Variants in UBE2H observed in about 807,000 individuals in gnomAD.
UBE2H encodes the protein ubiquitin conjugating enzyme E2 H.
UBE2H carries 3 observed loss-of-function variants against 29.0 expected under a neutral mutation model. The observed-to-expected ratio is 0.10, with a 90% CI of 0.05 to 0.27. UBE2H has a LOEUF of 0.27. Among genes scored for constraint, UBE2H ranks in the 10% least tolerant of loss-of-function variants. The pLI, the probability that UBE2H is intolerant of heterozygous loss-of-function variation, is 1.00. For synonymous variants in UBE2H, 69 were observed against 82.9 expected (o/e 0.83, Z 0.91); for missense variants, 68 against 228.2 (o/e 0.30, Z 4.52).
intron 1 of UBE2H, among the ~76,000 whole-genome samples, chr7:129,930,143 T>A (rs1393330444): frequency 6.6e-6 from 1 of 152,212 alleles, no homozygotes; most frequent in Non-Finnish European, 1.5e-5. Context: ...TCAAACACTC[T>A]GGTCTCAGCA....
chr7:129,946,348 C>T (rs974395859), intron 1 of UBE2H, among the ~76,000 whole-genome samples: 18 of 152,166 alleles, frequency 1.2e-4, no homozygotes, highest in Admixed American at 8.5e-4. Context: ...CGTGAGCCAC[C>T]GCGCCCGGCC....
At chr7:129,931,205 G>A (rs1263537398) in intron 1 of UBE2H, among the ~76,000 whole-genome samples, 1 of 146,104 alleles carries the variant, frequency 6.8e-6, no homozygotes, top group Non-Finnish European at 1.5e-5. Flanking sequence ...TGGGCAACAA[G>A]AGCAAAACCC....
intron 2 of UBE2H, 87 bp downstream of exon 2, chr7:129,880,808 C>T (rs919992914): frequency 1.4e-5 from 17 of 1,221,910 alleles, no homozygotes; most frequent in African/African-American, 3.1e-5. Context: ...TCAGAAACTA[C>T]GCATGCTACC....
chr7:129,913,609 C>A (rs531895177), intron 1 of UBE2H, among the ~76,000 whole-genome samples: 9 of 152,280 alleles, frequency 5.9e-5, no homozygotes, highest in African/African-American at 2.2e-4. Context: ...GGACATCCAT[C>A]CATTTTACAG....
At chr7:129,914,418 T>C (rs149858824) in intron 1 of UBE2H, among the ~76,000 whole-genome samples, 9,479 of 152,172 alleles carry the variant, frequency 0.062, 365 homozygotes, top group Non-Finnish European at 0.091. Context: ...CCACACACCT[T>C]GGCCTCCCGA....
intron 1 of UBE2H, among the ~76,000 whole-genome samples, chr7:129,943,879 T>G (rs973713958): frequency 4.6e-5 from 7 of 151,872 alleles, no homozygotes; most frequent in African/African-American, 1.7e-4. Flanking sequence ...AGACTGATTC[T>G]GTCTTTAAAA....
intron 5 of UBE2H, among the ~76,000 whole-genome samples, chr7:129,851,415 TA>T (rs1805607494): frequency 6.6e-6 from 1 of 152,228 alleles, no homozygotes; most frequent in South Asian, 2.1e-4. Context: ...GCTGTCATAC[TA>T]AAACTCGCTA....
chr7:129,864,250 G>A lies in UBE2H; in HGVS notation c.206-5309C>T, dbSNP rs77880590. Among the ~76,000 whole-genome samples, 1,401 of 152,298 alleles carry A rather than the reference G, an allele frequency of 9.2e-3. 6 individuals carry two copies. The highest frequency in any genetic ancestry group is 0.011 in the African/African-American group (458 of 41,556). Reference sequence around the variant, plus strand: ...AACAATGGAACTCCTGGACAAGGAGGGGGGAGACAGAGAAAGAACGGGCCA... The same window carrying A: ...AACAATGGAACTCCTGGACAAGGAGAGGGGAGACAGAGAAAGAACGGGCCA... On this transcript the variant is annotated intron_variant, in intron 3 of 6. Coordinates refer to ENST00000355621, the MANE Select transcript of UBE2H (RefSeq NM_003344.4).
chr7:129,832,652 A>C lies in UBE2H; in HGVS notation c.*2285T>G, dbSNP rs1805250474. The C allele has an allele frequency of 6.6e-6, 1 of 152,178 alleles. No homozygotes were observed. The highest frequency in any genetic ancestry group is 2.1e-4 in the South Asian group (1 of 4,830). 9.4% of individuals were successfully genotyped at this position (152,178 alleles called of 1,614,324 possible). A position where few individuals can be genotyped will look rare whatever the true frequency, so the allele number is the denominator to read the frequency against. ...CTTATCATTAGAGAGATGTGGGATT[A>C]GGTAAGGGGCAGAGTCATGGCACTG... On this transcript the variant is annotated 3_prime_UTR_variant, in exon 7 of 7. Coordinates refer to ENST00000355621, the MANE Select transcript of UBE2H (RefSeq NM_003344.4).
chr7:129,867,723 C>CAAAAAAAAA, intron 3 of UBE2H, among the ~76,000 whole-genome samples: 1 of 65,562 alleles, frequency 1.5e-5, no homozygotes, highest in Non-Finnish European at 2.7e-5. Flanking sequence ...AAAAAGAAAA[C>CAAAAAAAAA]CAAAAAAAAA....
At chr7:129,934,532 G>C (rs1433887288) in intron 1 of UBE2H, among the ~76,000 whole-genome samples, 4 of 150,754 alleles carry the variant, frequency 2.7e-5, no homozygotes, top group Admixed American at 6.7e-5. Flanking sequence ...CAGCTACTCA[G>C]GAGACTGAGG....
rs1217605707 is a variant in UBE2H, at chr7:129,833,148, A to T, written c.*1789T>A. On this transcript the variant is annotated 3_prime_UTR_variant, in exon 7 of 7. Coordinates refer to ENST00000355621, the MANE Select transcript of UBE2H (RefSeq NM_003344.4). ...TGCTTCATGCCCGTAATTAACATAA[A>T]GTAAGTAAATTCTTTGTCTTTTTAT... 1 of 152,544 alleles carries T rather than the reference A, an allele frequency of 6.6e-6. No homozygotes were observed. Among genetic ancestry groups the T allele is most frequent in the Non-Finnish European group, 1.5e-5 (1 of 68,026 alleles). 9.4% of individuals were successfully genotyped at this position (152,544 alleles called of 1,614,324 possible).
intron 5 of UBE2H, among the ~76,000 whole-genome samples, chr7:129,856,136 T>C (rs1340849433): frequency 1.3e-5 from 2 of 152,190 alleles, no homozygotes; most frequent in African/African-American, 4.8e-5. Flanking sequence ...GTTCTGCTGG[T>C]GACCAACCTT....
intron 1 of UBE2H, among the ~76,000 whole-genome samples, chr7:129,897,165 T>C (rs1294131741): frequency 6.6e-6 from 1 of 152,208 alleles, no homozygotes; most frequent in African/African-American, 2.4e-5. Context: ...CACTGGATAA[T>C]TACCAGTTTA....
At chr7:129,847,206 T>C (rs1335768727) in intron 5 of UBE2H, among the ~76,000 whole-genome samples, 1 of 152,066 alleles carries the variant, frequency 6.6e-6, no homozygotes, top group Non-Finnish European at 1.5e-5. Flanking sequence ...CCCAGCTAAT[T>C]TTTTGTATTT....
chr7:129,890,483 G>C (rs563070246), intron 1 of UBE2H, among the ~76,000 whole-genome samples: 1 of 151,926 alleles, frequency 6.6e-6, no homozygotes, highest in African/African-American at 2.4e-5. Flanking sequence ...AGGTTGAAGC[G>C]ATTCTCCTGC....
At chr7:129,894,090 G>C (rs1392384518) in intron 1 of UBE2H, among the ~76,000 whole-genome samples, 3 of 152,216 alleles carry the variant, frequency 2.0e-5, no homozygotes, top group Non-Finnish European at 4.4e-5. Flanking sequence ...GGGAGGCAGA[G>C]GTTGTGGTGA....
intron 5 of UBE2H, among the ~76,000 whole-genome samples, chr7:129,850,869 A>G (rs1584743156): frequency 7.2e-6 from 1 of 139,280 alleles, no homozygotes; most frequent in Non-Finnish European, 1.6e-5. Context: ...GGATGGGGGG[A>G]GGGACAGAGA....
At chr7:129,858,564 G>T (rs1805747329) in intron 4 of UBE2H, among the ~76,000 whole-genome samples, 1 of 152,108 alleles carries the variant, frequency 6.6e-6, no homozygotes, top group East Asian at 1.9e-4. Flanking sequence ...AATATTATAA[G>T]ATCTGAAAAT....
Sources: gnomAD v4.1 joint callset for allele counts (sites outside exome capture counted in the v4.1 genomes callset) on GRCh38, gnomAD v4.1.1 for gene constraint, MANE v1.5 for transcripts, NCBI Gene and HGNC (gene_info 2026-07-23, HGNC 2026-07-21) for gene names.